KCNK10: variants seen among roughly 807,000 people sequenced by gnomAD.
KCNK10 encodes the protein potassium two pore domain channel subfamily K member 10.
Under a neutral mutation model 47.7 loss-of-function variants are expected in KCNK10, and 25 were observed. The observed-to-expected ratio is 0.52, with a 90% confidence interval of 0.38 to 0.73. KCNK10 has a LOEUF of 0.73. Among genes scored for constraint, KCNK10 ranks in the 30% least tolerant of loss-of-function variants. The probability of loss-of-function intolerance (pLI) is 0.00; values close to 1 mark genes in which losing one functional copy is unlikely to be tolerated. For missense variants in KCNK10, 563 were observed against 714.5 expected (o/e 0.79, Z 2.42); for synonymous variants, 303 against 285.6 (o/e 1.06, Z -0.61).
At chr14:88,239,891 TAAAATA>T (rs767571288) in intron 3 of KCNK10, among the ~76,000 whole-genome samples, 5,601 of 83,682 alleles carry the variant, frequency 0.067, 206 homozygotes, top group African/African-American at 0.15. Context: ...TAAAATAAAA[TAAAATA>T]AAATAAATAA....
At chr14:88,210,844 A>C (rs1885434038) in intron 4 of KCNK10, among the ~76,000 whole-genome samples, 2 of 149,138 alleles carry the variant, frequency 1.3e-5, no homozygotes, top group Middle Eastern at 3.4e-3. Flanking sequence ...AAAAAAAAAA[A>C]CAGAAAAAAG....
Position 88,185,407 on chromosome 14 carries a change from A to T in KCNK10, c.*128T>A. 1 of 1,307,276 alleles carries T rather than the reference A, an allele frequency of 7.6e-7. No homozygotes were observed. The allele number at this position is 1,307,276 out of a possible 1,614,324, so 81.0% of individuals were successfully genotyped here. ...CTTTCAGTTGTTTATGGCACAGTGAAATATATTCTTCAATGCTATGTAATT... is the reference window on the plus strand; with the variant it reads ...CTTTCAGTTGTTTATGGCACAGTGATATATATTCTTCAATGCTATGTAATT... On this transcript the variant is annotated 3_prime_UTR_variant, in exon 7 of 7. Coordinates refer to ENST00000319231, the MANE Select transcript of KCNK10 (RefSeq NM_138317.3). The surrounding 1 kb of genome is among the most constrained non-coding windows in gnomAD (Gnocchi z 4.3).
chr14:88,300,372 G>A (rs962630096), intron 1 of KCNK10, among the ~76,000 whole-genome samples: 2 of 152,136 alleles, frequency 1.3e-5, no homozygotes, highest in African/African-American at 2.4e-5. Flanking sequence ...TTATTCACAT[G>A]TATGTTTCAT....
intron 1 of KCNK10, among the ~76,000 whole-genome samples, chr14:88,298,087 G>A (rs1191633807): frequency 6.6e-6 from 1 of 152,068 alleles, no homozygotes; most frequent in African/African-American, 2.4e-5. Context: ...TGAAATAGAG[G>A]AATCCTGGCA....
intron 1 of KCNK10, among the ~76,000 whole-genome samples, chr14:88,310,850 C>T (rs1365016786): frequency 6.6e-6 from 1 of 152,118 alleles, no homozygotes; most frequent in African/African-American, 2.4e-5. Context: ...GAGCATTATG[C>T]TGAACTGAGA....
intron 4 of KCNK10, among the ~76,000 whole-genome samples, chr14:88,207,165 T>G (rs1287532874): frequency 2.1e-5 from 3 of 142,146 alleles, no homozygotes; most frequent in African/African-American, 8.1e-5. Context: ...TCAAGGTCAC[T>G]CTCTTTTTTT....
intron 3 of KCNK10, among the ~76,000 whole-genome samples, chr14:88,234,608 G>A (rs1160375990): frequency 1.3e-5 from 2 of 152,210 alleles, no homozygotes; most frequent in Non-Finnish European, 2.9e-5. Flanking sequence ...AAGGCAGGGA[G>A]TTCCTCCTAG....
chr14:88,245,416 A>G (rs1437707663), intron 2 of KCNK10, among the ~76,000 whole-genome samples: 2 of 152,116 alleles, frequency 1.3e-5, no homozygotes, highest in Non-Finnish European at 2.9e-5. Context: ...TCTGTAGCTG[A>G]TGCGCTTAGA....
rs74069547 is a variant in KCNK10, at chr14:88,322,842, A to T, written c.-44T>A. The stretch of plus-strand genomic sequence containing the variant: ...GGGAAGAAATGAAAAGAACCCAAAT[A>T]ATAATAAAGTCCTCAAGCTTTACAC... On this transcript the variant is annotated 5_prime_UTR_variant, in exon 1 of 7. Transcript: ENST00000319231. This position sits in a 1 kb window ranked among gnomAD's most constrained non-coding sequence, Gnocchi z 4.8. 1 of 1,613,842 alleles carries T rather than the reference A, an allele frequency of 6.2e-7. No individual in the cohort carries two copies. The highest frequency in any genetic ancestry group is 8.5e-7 in the Non-Finnish European group (1 of 1,179,926).
At chr14:88,232,730 A>G (rs1428046510) in intron 3 of KCNK10, among the ~76,000 whole-genome samples, 1 of 152,242 alleles carries the variant, frequency 6.6e-6, no homozygotes, top group Non-Finnish European at 1.5e-5. Context: ...ACACTGTACA[A>G]TGATACTGAA....
At chr14:88,254,229 AC>A (rs2139907950) in intron 2 of KCNK10, among the ~76,000 whole-genome samples, 1 of 152,260 alleles carries the variant, frequency 6.6e-6, no homozygotes, top group Admixed American at 6.5e-5. Flanking sequence ...GAGTGAGATA[AC>A]CTGCTCACTC....
At chr14:88,210,947 G>T (rs1885438728) in intron 4 of KCNK10, among the ~76,000 whole-genome samples, 2 of 152,130 alleles carry the variant, frequency 1.3e-5, no homozygotes, top group South Asian at 2.1e-4. Flanking sequence ...CAGTGTCACG[G>T]TTCCTCAGAA....
intron 2 of KCNK10, among the ~76,000 whole-genome samples, chr14:88,249,663 G>A (rs552016860): frequency 8.5e-5 from 13 of 152,100 alleles, no homozygotes; most frequent in Non-Finnish European, 1.8e-4. Flanking sequence ...ACTTCAGCTT[G>A]GGCAAGTTAT....
chr14:88,273,506 G>A (rs1887456000), intron 1 of KCNK10, among the ~76,000 whole-genome samples: 1 of 152,156 alleles, frequency 6.6e-6, no homozygotes, highest in Non-Finnish European at 1.5e-5. Flanking sequence ...TGCCTTTATT[G>A]TTCCGATAAA....
intron 5 of KCNK10, among the ~76,000 whole-genome samples, chr14:88,189,966 T>C (rs1884695236): frequency 1.3e-5 from 2 of 152,164 alleles, no homozygotes; most frequent in Non-Finnish European, 2.9e-5. Flanking sequence ...GAGACCGTGG[T>C]CTACAGAAAC....
chr14:88,263,117 G>T, intron 2 of KCNK10, 85 bp downstream of exon 2: 2 of 1,119,570 alleles, frequency 1.8e-6, no homozygotes, highest in Non-Finnish European at 2.5e-6. Flanking sequence ...CTCAACTGAA[G>T]GCAAGACTAG....
intron 1 of KCNK10, among the ~76,000 whole-genome samples, chr14:88,302,183 C>T (rs974874079): frequency 2.0e-5 from 3 of 152,006 alleles, no homozygotes; most frequent in Non-Finnish European, 4.4e-5. Context: ...ATGGCGGTGC[C>T]CATCAATGAG....
intron 4 of KCNK10, among the ~76,000 whole-genome samples, chr14:88,205,827 C>T (rs1885256174): frequency 1.3e-5 from 2 of 152,286 alleles, no homozygotes; most frequent in South Asian, 4.1e-4. Context: ...TAGGCATAAG[C>T]CACCATGCCT....
chr14:88,228,348 A>G (rs376294677), intron 3 of KCNK10, among the ~76,000 whole-genome samples: 2 of 152,208 alleles, frequency 1.3e-5, no homozygotes, highest in Non-Finnish European at 2.9e-5. Context: ...CTGCCATTAC[A>G]TAAGTAACTT....
Sources: gnomAD v4.1 joint callset for allele counts (sites outside exome capture counted in the v4.1 genomes callset) on GRCh38, gnomAD v4.1.1 for gene constraint, Gnocchi (gnomAD v3.1) non-coding constraint, MANE v1.5 for transcripts, NCBI Gene and HGNC (gene_info 2026-07-23, HGNC 2026-07-21) for gene names.